The following PSD3 variants were observed in gnomAD, a reference collection of about 807,000 sequenced individuals.
PSD3 encodes PH and SEC7 domain-containing protein 3.
In PSD3, 49 loss-of-function variants were observed where a neutral mutation model predicts 105.5. That is an observed-to-expected ratio of 0.46 (90% CI 0.37 to 0.59). The LOEUF is 0.59. Among genes scored for constraint, PSD3 ranks in the 20% least tolerant of loss-of-function variants. PSD3 has a pLI of 0.00. For synonymous variants in PSD3, 557 were observed against 457.8 expected (o/e 1.22, Z -2.77); for missense variants, 1,561 against 1,263.8 (o/e 1.24, Z -3.57).
intron 1 of PSD3, among the ~76,000 whole-genome samples, chr8:18,970,714 G>A (rs1190357206): frequency 6.6e-6 from 1 of 152,098 alleles, no homozygotes; most frequent in Non-Finnish European, 1.5e-5. Flanking sequence ...CAGCACTTTG[G>A]GAGGTGAAGG....
chr8:18,532,304 C>T lies in PSD3; in HGVS notation c.*3439G>A, dbSNP rs1180818702. On this transcript the variant is annotated 3_prime_UTR_variant, in exon 16 of 16. Transcript: ENST00000327040. ...TTCCACAATCTCAGAAGTTCTGTAG[C>T]TTGGCCACAGGGTGAAATACAAACC... 6.6e-6 allele frequency: 1 copy of T among 152,242 alleles called. No individual in the cohort carries two copies. Among genetic ancestry groups the T allele is most frequent in the African/African-American group, 2.4e-5 (1 of 41,460 alleles). 9.4% of individuals were successfully genotyped at this position (152,242 alleles called of 1,614,324 possible).
In PSD3 at chr8:18,936,106, G is replaced by A; in HGVS notation, c.58C>T (p.His20Tyr). ...TFVWVNNASA[H>Y]SQSVAKAKYE... ...TTGGCCTTGGCAACACTCTGGGAAT[G>A]TGCAGATGCATTGTTCACCCAAACA... is the stretch of plus-strand genomic sequence containing the variant. Residue 20 changes from histidine to tyrosine, a missense_variant, in exon 2 of 16, where the codon CAT becomes TAT. Transcript: ENST00000327040. 6.2e-7 allele frequency: 1 copy of A among 1,613,154 alleles called. No homozygotes were observed. The highest frequency in any genetic ancestry group is 8.5e-7 in the Non-Finnish European group (1 of 1,179,770).
chr8:18,927,456 C>A (rs912735824), intron 2 of PSD3, among the ~76,000 whole-genome samples: 1 of 152,206 alleles, frequency 6.6e-6, no homozygotes, highest in South Asian at 2.1e-4. Flanking sequence ...TCGTGATCCA[C>A]CCTCCTCAGC....
At chr8:18,850,040 A>G (rs1815438255) in intron 4 of PSD3, among the ~76,000 whole-genome samples, 1 of 152,246 alleles carries the variant, frequency 6.6e-6, no homozygotes, top group Non-Finnish European at 1.5e-5. Flanking sequence ...TATTACTGTC[A>G]TCTAGGAATT....
chr8:18,661,596 C>G (rs116004448), intron 9 of PSD3, among the ~76,000 whole-genome samples: 2,073 of 152,280 alleles, frequency 0.014, 56 homozygotes, highest in African/African-American at 0.047. Context: ...TTCTCCAAAA[C>G]TAGGATTTGG....
At chr8:18,942,499 T>C (rs12114763) in intron 1 of PSD3, among the ~76,000 whole-genome samples, 177 of 152,356 alleles carry the variant, frequency 1.2e-3, no homozygotes, top group African/African-American at 4.0e-3. Flanking sequence ...CCAAGATTTA[T>C]ATGTTGAAGT....
At chr8:18,927,484 A>G (rs760868264) in intron 2 of PSD3, among the ~76,000 whole-genome samples, 5 of 152,284 alleles carry the variant, frequency 3.3e-5, no homozygotes, top group Middle Eastern at 3.4e-3. Flanking sequence ...AGTACTGGGA[A>G]GACAGGGATG....
chr8:18,754,710 G>C (rs1805878867), intron 9 of PSD3, among the ~76,000 whole-genome samples: 2 of 152,056 alleles, frequency 1.3e-5, no homozygotes, highest in South Asian at 4.2e-4. Context: ...AATTATTCTG[G>C]CTGTTGAGAG....
Position 18,527,890 on chromosome 8 carries a change from T to A in PSD3, c.*7853A>T, listed in dbSNP as rs1799486625. The A allele has an allele frequency of 6.6e-6, 1 of 152,204 alleles. No individual in the cohort carries two copies. The highest frequency in any genetic ancestry group is 2.4e-5 in the African/African-American group (1 of 41,440). The allele number at this position is 152,204 out of a possible 1,614,324, so 9.4% of individuals were successfully genotyped here. A position where few individuals can be genotyped will look rare whatever the true frequency, so the allele number is the denominator to read the frequency against. ...GAGCAGGCTGCTATTTTGTCACTAA[T>A]TACTTTCACAATTTGCAGGGGACAT... On this transcript the variant is annotated 3_prime_UTR_variant, in exon 16 of 16. Transcript: ENST00000327040.
At chr8:19,067,088 G>T (rs754109669) in intron 1 of PSD3, among the ~76,000 whole-genome samples, 1 of 152,174 alleles carries the variant, frequency 6.6e-6, no homozygotes, top group African/African-American at 2.4e-5. Flanking sequence ...TACCAAAGAT[G>T]CAAGACTGAT....
At chr8:19,067,721 G>C (rs542998146) in intron 1 of PSD3, among the ~76,000 whole-genome samples, 11 of 152,292 alleles carry the variant, frequency 7.2e-5, no homozygotes, top group African/African-American at 2.4e-4. Flanking sequence ...CAATGAAGCA[G>C]GCAGGAGCTG....
chr8:18,596,989 G>A (rs1003080522), intron 12 of PSD3, among the ~76,000 whole-genome samples: 3 of 152,110 alleles, frequency 2.0e-5, no homozygotes, highest in Non-Finnish European at 2.9e-5. Context: ...GCATGACCCT[G>A]ATATCAAAAC....
chr8:19,050,107 G>A (rs1298444875), intron 1 of PSD3, among the ~76,000 whole-genome samples: 1 of 152,180 alleles, frequency 6.6e-6, no homozygotes, highest in African/African-American at 2.4e-5. Context: ...TACTTATAAT[G>A]TAGGTCAAGG....
At chr8:18,930,189 G>C (rs1373059144) in intron 2 of PSD3, among the ~76,000 whole-genome samples, 1 of 152,184 alleles carries the variant, frequency 6.6e-6, no homozygotes, top group Non-Finnish European at 1.5e-5. Flanking sequence ...AACGTGAGTG[G>C]GTAGGGGTCA....
intron 9 of PSD3, among the ~76,000 whole-genome samples, chr8:18,707,217 C>T (rs1011282102): frequency 6.6e-6 from 1 of 152,174 alleles, no homozygotes; most frequent in African/African-American, 2.4e-5. Context: ...ACCCTCTTCC[C>T]CTTTCCAGAA....
chr8:18,797,951 G>A (rs1390819807), intron 8 of PSD3, among the ~76,000 whole-genome samples: 1 of 151,970 alleles, frequency 6.6e-6, no homozygotes, highest in East Asian at 1.9e-4. Context: ...TTTCTCCTTT[G>A]GCCAGAAAGG....
intron 11 of PSD3, among the ~76,000 whole-genome samples, chr8:18,630,672 C>G (rs1181423689): frequency 6.8e-6 from 1 of 148,042 alleles, no homozygotes; most frequent in African/African-American, 2.5e-5. Flanking sequence ...TTTTTTTTTT[C>G]TCTAGTACTT....
At chr8:18,666,724 TGGG>T (rs1339897600) in intron 9 of PSD3, among the ~76,000 whole-genome samples, 41 of 136,338 alleles carry the variant, frequency 3.0e-4, no homozygotes, top group African/African-American at 1.1e-3. Flanking sequence ...TGCTTTTTTT[TGGG>T]GGGTGGGGGG....
chr8:18,746,192 T>C (rs138157142), intron 9 of PSD3, among the ~76,000 whole-genome samples: 210 of 152,292 alleles, frequency 1.4e-3, no homozygotes, highest in Non-Finnish European at 1.7e-3. Flanking sequence ...TTTTCTACAC[T>C]GTCCTGCCCA....
Sources: allele counts gnomAD v4.1 joint callset (sites outside exome capture counted in the v4.1 genomes callset), GRCh38; gene constraint gnomAD v4.1.1; transcripts MANE v1.5; gene names NCBI Gene and HGNC (gene_info 2026-07-23, HGNC 2026-07-21).